The following ZNF573 variants were observed in gnomAD, a reference collection of about 807,000 sequenced individuals.
The protein encoded by ZNF573 is zinc finger protein 573.
In ZNF573, 41 loss-of-function variants were observed where a neutral mutation model predicts 57.4. The observed-to-expected ratio is 0.71, with a 90% CI of 0.56 to 0.93. The LOEUF is 0.93. ZNF573 is among the 40% of genes least tolerant of loss of function. ZNF573 has a pLI of 0.00. For synonymous variants in ZNF573, 249 were observed against 261.0 expected (o/e 0.95, Z 0.44); for missense variants, 730 against 794.8 (o/e 0.92, Z 0.98).
chr19:37,766,018 C>G (rs1023495690), intron 4 of ZNF573, among the ~76,000 whole-genome samples: 1 of 150,380 alleles, frequency 6.6e-6, no homozygotes, highest in African/African-American at 2.4e-5. Flanking sequence ...TCAGCCTGGG[C>G]GACAAGAGCA....
At position 37,739,640 on chromosome 19, in the gene ZNF573, TA is replaced by T; in HGVS notation, c.849del (p.Phe283LeufsTer157). The T allele has an allele frequency of 6.2e-7, 1 of 1,614,146 alleles. No individual in the cohort carries two copies. The highest frequency in any genetic ancestry group is 8.5e-7 in the Non-Finnish European group (1 of 1,180,016). On this transcript the variant is annotated frameshift_variant, in exon 5 of 5. Transcript: ENST00000536220. LOFTEE classifies it high-confidence loss of function. ...TGTTCAACAAGATTTGAGCGCCTAC[TA>T]AAAGTCTTCCCACATTCCTTACATT... ...PYKCKECGKT[F>X]SRRSNLVEHG...
intron 1 of ZNF573, among the ~76,000 whole-genome samples, chr19:37,774,278 C>T (rs533497608): frequency 1.3e-5 from 2 of 151,934 alleles, no homozygotes; most frequent in South Asian, 4.1e-4. Flanking sequence ...GCTGGGACTA[C>T]AGGTGCGTAC....
At chr19:37,742,315 G>T (rs564013399) in intron 4 of ZNF573, among the ~76,000 whole-genome samples, 2 of 152,152 alleles carry the variant, frequency 1.3e-5, no homozygotes, top group East Asian at 3.9e-4. Context: ...CACAGAATTA[G>T]AAAAAAACTG....
chr19:37,743,918 CA>C (rs2045351981), intron 4 of ZNF573, among the ~76,000 whole-genome samples: 2 of 152,074 alleles, frequency 1.3e-5, no homozygotes, highest in African/African-American at 4.8e-5. Context: ...TGTTCTCACT[CA>C]TAAGTGGGAG....
intron 4 of ZNF573, among the ~76,000 whole-genome samples, chr19:37,760,656 T>C (rs2045542915): frequency 6.6e-6 from 1 of 151,514 alleles, no homozygotes; most frequent in Admixed American, 6.6e-5. Context: ...ACCCCGTCTC[T>C]ACTAAAAATA....
chr19:37,759,588 C>T (rs1422116739), intron 4 of ZNF573, among the ~76,000 whole-genome samples: 1 of 151,956 alleles, frequency 6.6e-6, no homozygotes, highest in African/African-American at 2.4e-5. Flanking sequence ...ATTAGCCAGG[C>T]GTGATGGTGG....
intron 4 of ZNF573, among the ~76,000 whole-genome samples, chr19:37,769,290 C>CTTTAGTACAATGTAA (rs1294947272): frequency 2.3e-4 from 35 of 151,978 alleles, no homozygotes; most frequent in African/African-American, 8.4e-4. Context: ...TTTATGTGTT[C>CTTTAGTACAATGTAA]TTTAGTACAA....
In ZNF573 at chr19:37,770,275, G is replaced by T. The variant is rs1438571917; in HGVS notation, c.203-178C>A. On this transcript the variant is annotated intron_variant, in intron 3 of 4. Transcript: ENST00000536220. The stretch of plus-strand genomic sequence containing the variant: ...TTTAATGTAAACTCATACACGCGTG[G>T]TCTCTTAGGAGAAAGTTTAACCTGT... The T allele has an allele frequency of 1.3e-5, 7 of 519,590 alleles. No individual in the cohort carries two copies. The East Asian group carries it at 2.4e-4, about 18-fold the overall frequency. The allele number at this position is 519,590 out of a possible 1,614,324, so 32.2% of individuals were successfully genotyped here. A position where few individuals can be genotyped will look rare whatever the true frequency, so the allele number is the denominator to read the frequency against.
intron 4 of ZNF573, among the ~76,000 whole-genome samples, chr19:37,754,665 A>T (rs186483947): frequency 7.5e-5 from 11 of 146,810 alleles, no homozygotes; most frequent in South Asian, 2.1e-4. Flanking sequence ...GATTTCATTT[A>T]AAAAAAAAAA....
intron 4 of ZNF573, among the ~76,000 whole-genome samples, chr19:37,768,595 C>A (rs948741996): frequency 1.1e-4 from 17 of 152,320 alleles, no homozygotes; most frequent in Non-Finnish European, 1.8e-4. Flanking sequence ...AATGGCCTAA[C>A]CTCTGCTTAC....
At chr19:37,753,343 C>A (rs1365096580) in intron 4 of ZNF573, among the ~76,000 whole-genome samples, 2 of 152,034 alleles carry the variant, frequency 1.3e-5, no homozygotes, top group African/African-American at 4.8e-5. Context: ...TCCATCACCT[C>A]AAGTATTTAT....
chr19:37,778,591 T>C (rs1283633529), intron 1 of ZNF573: 1 of 151,782 alleles, frequency 6.6e-6, no homozygotes, highest in African/African-American at 2.4e-5. Flanking sequence ...TCAGACACAT[T>C]TCAGATGAAG....
At position 37,770,095 on chromosome 19, in the gene ZNF573, C is replaced by T; in HGVS notation, c.205G>A (p.Gly69Arg). Residue 69 changes from glycine (G) to arginine (R), a missense_variant and splice_region_variant, in exon 4 of 5, where the codon GGA becomes AGA. Transcript: ENST00000536220. ...ACAACTGGTTTAGAAATGGAATGTC[C>T]TCCTTATAAGAAAAGAAATGCCACA... ...ENYRNLVSLG[G>R]HSISKPVVVD... 6.5e-7 allele frequency: 1 copy of T among 1,547,210 alleles called. No individual in the cohort carries two copies. The highest frequency in any genetic ancestry group is 8.7e-7 in the Non-Finnish European group (1 of 1,145,328).
At chr19:37,768,727 G>A (rs535077633) in intron 4 of ZNF573, among the ~76,000 whole-genome samples, 23 of 151,144 alleles carry the variant, frequency 1.5e-4, no homozygotes, top group African/African-American at 5.6e-4. Context: ...GTGCAGTGGC[G>A]CAATCTCAGC....
intron 1 of ZNF573, among the ~76,000 whole-genome samples, chr19:37,775,842 CA>C (rs11390183): frequency 0.43 from 53,996 of 124,994 alleles, 11,745 homozygotes; most frequent in Middle Eastern, 0.63. Flanking sequence ...ACAACAGCTG[CA>C]AAAAAAAAAA....
intron 4 of ZNF573, among the ~76,000 whole-genome samples, chr19:37,769,381 A>T (rs2078485509): frequency 6.6e-6 from 1 of 152,068 alleles, no homozygotes; most frequent in African/African-American, 2.4e-5. Context: ...TGTGTGTGCA[A>T]AAGGGGAGCT....
rs1434731846 is a variant in ZNF573 at position 37,739,973 on chromosome 19, T to G, written c.517A>C (p.Ser173Arg). 1 of 1,614,136 alleles carries G rather than the reference T, an allele frequency of 6.2e-7. No individual in the cohort carries two copies. Among genetic ancestry groups the G allele is most frequent in the South Asian group, 1.1e-5 (1 of 91,082 alleles). ...TGATGTAGAGTAAGTTGATAGCCAC[T>G]ACGAAAGTTCTTCCCACACTCTTTG... ...ECKECGKNFR[S>R]GYQLTLHQRF... The change falls in exon 5 of 5, where the codon AGT becomes CGT. Residue 173 changes from serine to arginine, a missense_variant. Transcript: ENST00000536220.
chr19:37,769,619 G>A (rs955364833), intron 4 of ZNF573, among the ~76,000 whole-genome samples: 5 of 151,222 alleles, frequency 3.3e-5, no homozygotes, highest in South Asian at 4.2e-4. Context: ...CCAGCTACTC[G>A]GGAGGCTGAG....
chr19:37,767,738 A>T (rs1439112683), intron 4 of ZNF573, among the ~76,000 whole-genome samples: 1 of 152,212 alleles, frequency 6.6e-6, no homozygotes, highest in African/African-American at 2.4e-5. Flanking sequence ...GGGTCAGAGA[A>T]CATATTTAAG....
Sources: gnomAD v4.1 joint callset for allele counts (sites outside exome capture counted in the v4.1 genomes callset) on GRCh38, gnomAD v4.1.1 for gene constraint, MANE v1.5 for transcripts, NCBI Gene and HGNC (gene_info 2026-07-23, HGNC 2026-07-21) for gene names.